Variants in KIFC1 observed in about 807,000 individuals in gnomAD.
KIFC1 encodes kinesin-like protein KIFC1.
Under a neutral mutation model 66.6 loss-of-function variants are expected in KIFC1, and 37 were observed. The observed-to-expected ratio is 0.56, with a 90% CI of 0.43 to 0.73. The LOEUF is 0.73. Ranked by LOEUF, KIFC1 falls within the 30% of genes least tolerant of loss-of-function variation. The probability of loss-of-function intolerance (pLI) is 0.00; values close to 1 mark genes in which losing one functional copy is unlikely to be tolerated. For synonymous variants in KIFC1, 325 were observed against 343.5 expected (o/e 0.95, Z 0.60); for missense variants, 721 against 859.8 (o/e 0.84, Z 2.02).
chr6:33,405,698 TAGAG>T lies in KIFC1; in HGVS notation c.1536+68_1536+71del. On this transcript the variant is annotated intron_variant, in intron 7 of 10. Coordinates refer to ENST00000428849, the MANE Select transcript of KIFC1 (RefSeq NM_002263.4). The surrounding 1 kb of genome is among the most constrained non-coding windows in gnomAD (Gnocchi z 5.4). Reference sequence around the variant, plus strand: ...TGGGCAGGGTGCCACGAGATGGAGGTAGAGGGAGAAAGGAGCAAGAGAGAATTGA... The same window carrying T: ...TGGGCAGGGTGCCACGAGATGGAGGTGGAGAAAGGAGCAAGAGAGAATTGA... 1 of 1,384,396 alleles carries T rather than the reference TAGAG, an allele frequency of 7.2e-7. No homozygotes were observed. Among genetic ancestry groups the T allele is most frequent in the Non-Finnish European group, 9.5e-7 (1 of 1,052,558 alleles). 85.8% of individuals were successfully genotyped at this position (1,384,396 alleles called of 1,614,324 possible). A position where few individuals can be genotyped will look rare whatever the true frequency, so the allele number is the denominator to read the frequency against.
At chr6:33,391,612 A>C, upstream of KIFC1, 3 of 387,112 alleles carry the variant, frequency 7.7e-6, no homozygotes, top group Non-Finnish European at 9.6e-6. Context: ...TATTGCCGCT[A>C]GAGGAGGGGA....
chr6:33,395,053 G>A (rs1774964155), intron 1 of KIFC1, among the ~76,000 whole-genome samples: 1 of 152,128 alleles, frequency 6.6e-6, no homozygotes. Context: ...GATGGGTCAA[G>A]AAAATGAAGA....
chr6:33,408,969 G>A (rs1448594217), intron 10 of KIFC1, among the ~76,000 whole-genome samples: 3 of 152,252 alleles, frequency 2.0e-5, no homozygotes, highest in African/African-American at 7.2e-5. Flanking sequence ...TCAGGAGATC[G>A]AGACCATCCT....
At chr6:33,395,445 T>C (rs1401072501) in intron 1 of KIFC1, among the ~76,000 whole-genome samples, 1 of 152,110 alleles carries the variant, frequency 6.6e-6, no homozygotes, top group African/African-American at 2.4e-5. Context: ...GTGATGCATA[T>C]ATGAAAGGGT....
Position 33,404,673 on chromosome 6 carries a change from C to G in KIFC1, c.757-179C>G, listed in dbSNP as rs1775550129. Among the ~76,000 whole-genome samples, 1 of 152,062 alleles carries G rather than the reference C, an allele frequency of 6.6e-6. No individual in the cohort carries two copies. Among genetic ancestry groups the G allele is most frequent in the Non-Finnish European group, 1.5e-5 (1 of 68,012 alleles). ...TGCTCCTCTTTGTGCTTGGACATAC[C>G]CATAGCACTCCCTGTCTTAGTACCA... On this transcript the variant is annotated intron_variant, in intron 6 of 10. Coordinates refer to ENST00000428849, the MANE Select transcript of KIFC1 (RefSeq NM_002263.4). The surrounding 1 kb of genome is among the most constrained non-coding windows in gnomAD (Gnocchi z 4.0).
At chr6:33,397,918 G>A in intron 1 of KIFC1, 111 bp from the exon 2 acceptor site, 1 of 1,124,366 alleles carries the variant, frequency 8.9e-7, no homozygotes, top group Non-Finnish European at 1.3e-6. Context: ...GGCACAAGTG[G>A]TGCTCAGTGC....
intron 1 of KIFC1, among the ~76,000 whole-genome samples, chr6:33,396,436 C>CTTTTTTTTTTTTTTTTTTTTTTTTTTT (rs199749552): frequency 5.2e-5 from 6 of 116,258 alleles, no homozygotes; most frequent in African/African-American, 7.0e-5. Context: ...CTTTTCTTTT[C>CTTTTTTTTTTTTTTTTTTTTTTTTTTT]TTTTTTTTTT....
In KIFC1 at chr6:33,404,293, C is replaced by T. The variant is rs773448533; in HGVS notation, c.756+164C>T. Among the ~76,000 whole-genome samples the T allele has an allele frequency of 8.5e-5, 13 of 152,268 alleles. No homozygotes were observed. Among genetic ancestry groups the T allele is most frequent in the Non-Finnish European group, 1.8e-4 (12 of 68,020 alleles). On this transcript the variant is annotated intron_variant, in intron 6 of 10. Transcript: ENST00000428849. This position sits in a 1 kb window ranked among gnomAD's most constrained non-coding sequence, Gnocchi z 4.0. The stretch of plus-strand genomic sequence containing the variant: ...TACCTCTCTCTTGACCTGTCTGCAC[C>T]CCAGCCCACTCCTGACTGTCTTGCT...
intron 1 of KIFC1, among the ~76,000 whole-genome samples, chr6:33,396,671 T>C (rs1268942034): frequency 6.6e-6 from 1 of 151,546 alleles, no homozygotes; most frequent in African/African-American, 2.4e-5. Context: ...CTAGGTTCCA[T>C]GAGAATTAAT....
In KIFC1 at chr6:33,405,070, C is replaced by T. The variant is rs760551774; in HGVS notation, c.975C>T (p.Pro325=). 5.0e-6 allele frequency: 8 copies of T among 1,613,970 alleles called. No homozygotes were observed. In the Admixed American group the frequency reaches 1.3e-4, roughly 27 times the overall value. The change falls in exon 7 of 11, where the codon CCC becomes CCT. Residue 325 remains proline (P), a synonymous_variant. Transcript: ENST00000428849. This position sits in a 1 kb window ranked among gnomAD's most constrained non-coding sequence, Gnocchi z 5.4. ...CRVRPVLPGE[P]TPPPGLLLFP... ...TCCGCCCTGTCCTGCCGGGGGAGCCCACTCCACCCCCTGGCCTCCTCCTGT... is the reference window on the plus strand; with the variant it reads ...TCCGCCCTGTCCTGCCGGGGGAGCCTACTCCACCCCCTGGCCTCCTCCTGT...
At position 33,407,085 on chromosome 6, in the gene KIFC1, C is replaced by G; in HGVS notation, c.1977+210C>G. On this transcript the variant is annotated intron_variant, in intron 10 of 10. Coordinates refer to ENST00000428849, the MANE Select transcript of KIFC1 (RefSeq NM_002263.4). ...GGGTGATTAATTTAACCTGAGAAAG[C>G]TGATTAAAAAAAAAAGAAAAGGTGA... is the stretch of plus-strand genomic sequence containing the variant. 5.8e-6 allele frequency: 8 copies of G among 1,387,178 alleles called. 1 individual carries two copies. The South Asian group carries it at 1.3e-4, about 23-fold the overall frequency. 85.9% of individuals were successfully genotyped at this position (1,387,178 alleles called of 1,614,324 possible).
In KIFC1 at chr6:33,406,229, C is replaced by A; in HGVS notation, c.1570C>A (p.Arg524=). 6.2e-7 allele frequency: 1 copy of A among 1,609,634 alleles called. No homozygotes were observed. The highest frequency in any genetic ancestry group is 1.3e-5 in the African/African-American group (1 of 74,934). ...DALLHLARQN[R]AVARTAQNER... ...CCTGCTTCATCTGGCCCGCCAGAATCGGGCTGTGGCCCGCACAGCCCAGAA... is the reference window on the plus strand; with the variant it reads ...CCTGCTTCATCTGGCCCGCCAGAATAGGGCTGTGGCCCGCACAGCCCAGAA... Residue 524 remains arginine (R), a synonymous_variant, in exon 8 of 11, where the codon CGG becomes AGG. Coordinates refer to ENST00000428849, the MANE Select transcript of KIFC1 (RefSeq NM_002263.4). The surrounding 1 kb of genome is among the most constrained non-coding windows in gnomAD (Gnocchi z 4.5).
chr6:33,396,959 G>A (rs1158532177), intron 1 of KIFC1, among the ~76,000 whole-genome samples: 2 of 146,048 alleles, frequency 1.4e-5, no homozygotes, highest in Admixed American at 7.0e-5. Flanking sequence ...TGGGATTATA[G>A]GCATAAGCCA....
chr6:33,402,009 A>G (rs936065898), intron 3 of KIFC1, among the ~76,000 whole-genome samples: 4 of 152,178 alleles, frequency 2.6e-5, no homozygotes, highest in Non-Finnish European at 4.4e-5. Context: ...CTGGCCTGGA[A>G]TGCCTTTTGA....
chr6:33,409,005 A>G (rs1227180276), intron 10 of KIFC1, among the ~76,000 whole-genome samples: 1 of 152,132 alleles, frequency 6.6e-6, no homozygotes, highest in African/African-American at 2.4e-5. Flanking sequence ...CGTCTCTACT[A>G]AAAATACAAA....
rs1775523399 is a variant in KIFC1 at position 33,404,239 on chromosome 6, A to G, written c.756+110A>G. ...CTGGGCTGAGAACTCCTGAGCACCTATCTTTAGCAGTATAGGTGCTGCTGA... is the reference window on the plus strand; with the variant it reads ...CTGGGCTGAGAACTCCTGAGCACCTGTCTTTAGCAGTATAGGTGCTGCTGA... On this transcript the variant is annotated intron_variant, in intron 6 of 10. Coordinates refer to ENST00000428849, the MANE Select transcript of KIFC1 (RefSeq NM_002263.4). The surrounding 1 kb of genome is among the most constrained non-coding windows in gnomAD (Gnocchi z 4.0). 6.7e-6 allele frequency: 7 copies of G among 1,052,450 alleles called. No homozygotes were observed. The South Asian group carries it at 1.1e-4, about 17-fold the overall frequency. The allele number at this position is 1,052,450 out of a possible 1,614,324, so 65.2% of individuals were successfully genotyped here.
intron 3 of KIFC1, among the ~76,000 whole-genome samples, chr6:33,399,258 C>T (rs1345006237): frequency 1.2e-4 from 19 of 152,006 alleles, no homozygotes; most frequent in Admixed American, 1.2e-3. Flanking sequence ...CGTGATGGCC[C>T]GTGCCTGTAA....
In KIFC1 at chr6:33,405,836, A is replaced by G. The variant is rs1023233987; in HGVS notation, c.1536+205A>G. On this transcript the variant is annotated intron_variant, in intron 7 of 10. Transcript: ENST00000428849. This position sits in a 1 kb window ranked among gnomAD's most constrained non-coding sequence, Gnocchi z 5.4. ...GTGGCGAGGGAGTGATGCATCTGCC[A>G]AAACGAGGAGGGTCACTACATCTCA... Among the ~76,000 whole-genome samples, 4 of 152,158 alleles carry G rather than the reference A, an allele frequency of 2.6e-5. No individual in the cohort carries two copies. Among genetic ancestry groups the G allele is most frequent in the Admixed American group, 6.5e-5 (1 of 15,274 alleles).
At position 33,397,848 on chromosome 6, in the gene KIFC1, C is replaced by T. The variant is rs966173472; in HGVS notation, c.13-181C>T. On this transcript the variant is annotated intron_variant, in intron 1 of 10. Coordinates refer to ENST00000428849, the MANE Select transcript of KIFC1 (RefSeq NM_002263.4). The stretch of plus-strand genomic sequence containing the variant: ...TCCAGCTTTTCCCCTAGAGGTTATT[C>T]CCACTTTTAGGTTATGTCCTCACTT... Among the ~76,000 whole-genome samples the T allele has an allele frequency of 3.9e-5, 6 of 152,286 alleles. No individual in the cohort carries two copies. In the East Asian group the frequency reaches 9.7e-4, roughly 25 times the overall value.
Sources: gnomAD v4.1 joint callset for allele counts (sites outside exome capture counted in the v4.1 genomes callset) on GRCh38, gnomAD v4.1.1 for gene constraint, Gnocchi (gnomAD v3.1) non-coding constraint, MANE v1.5 for transcripts, NCBI Gene and HGNC (gene_info 2026-07-23, HGNC 2026-07-21) for gene names.